Variants in SAMD4A observed in about 807,000 individuals in gnomAD.
The protein encoded by SAMD4A is sterile alpha motif domain containing 4A, also known as protein Smaug homolog 1.
Under a neutral mutation model 81.3 loss-of-function variants are expected in SAMD4A, and 33 were observed. That is an observed-to-expected ratio of 0.41 (90% CI 0.31 to 0.54). The LOEUF (loss-of-function observed/expected upper bound fraction) is 0.54. Among genes scored for constraint, SAMD4A ranks in the 20% least tolerant of loss-of-function variants. The pLI is 0.37. For missense variants in SAMD4A, 854 were observed against 951.1 expected (o/e 0.90, Z 1.34); for synonymous variants, 389 against 382.1 (o/e 1.02, Z -0.21).
chr14:54,711,411 G>T (rs965769888), intron 3 of SAMD4A, among the ~76,000 whole-genome samples: 3 of 152,202 alleles, frequency 2.0e-5, no homozygotes, highest in African/African-American at 7.2e-5. Context: ...ACTAGTGATC[G>T]TAAAAACAGC....
intron 2 of SAMD4A, among the ~76,000 whole-genome samples, chr14:54,605,111 A>T (rs1166321486): frequency 1.3e-5 from 2 of 152,174 alleles, no homozygotes; most frequent in Non-Finnish European, 2.9e-5. Context: ...CTGCTTTAAA[A>T]TAATAGTGTT....
At chr14:54,574,980 A>G (rs534019420) in intron 2 of SAMD4A, among the ~76,000 whole-genome samples, 3 of 152,188 alleles carry the variant, frequency 2.0e-5, no homozygotes, top group Middle Eastern at 3.2e-3. Flanking sequence ...ACTGTTAGAA[A>G]TGAAAGGTGC....
intron 3 of SAMD4A, among the ~76,000 whole-genome samples, chr14:54,729,215 T>C (rs544101534): frequency 6.6e-6 from 1 of 152,146 alleles, no homozygotes; most frequent in Non-Finnish European, 1.5e-5. Flanking sequence ...ATGGTCTTGC[T>C]GGTTCCCACA....
intron 2 of SAMD4A, among the ~76,000 whole-genome samples, chr14:54,589,082 A>G (rs1255073732): frequency 6.6e-6 from 1 of 152,216 alleles, no homozygotes; most frequent in Non-Finnish European, 1.5e-5. Flanking sequence ...ACAGTATATC[A>G]AAGAGCTCAA....
rs1056608519 is a variant in SAMD4A at position 54,748,860 on chromosome 14, C to T, written c.1025C>T (p.Ala342Val). Residue 342 changes from alanine (A) to valine (V), a missense_variant, in exon 5 of 13, where the codon GCG (alanine) becomes GTG (valine). Around this residue, in one of 3 missense-constraint regions of SAMD4A, gnomAD observed 39 missense variants for 74.1 expected, o/e 0.53. Transcript: ENST00000554335. ...LKSLRLHKYA[A>V]LFSQMTYEEM... ...AGCCTCCGCCTGCACAAATATGCCGCGCTTTTCTCCCAGATGACCTATGAG... is the reference window on the plus strand; with the variant it reads ...AGCCTCCGCCTGCACAAATATGCCGTGCTTTTCTCCCAGATGACCTATGAG... 1.2e-5 allele frequency: 18 copies of T among 1,555,450 alleles called. No homozygotes were observed. The highest frequency in any genetic ancestry group is 2.4e-5 in the East Asian group (1 of 41,614).
At chr14:54,574,216 A>G (rs2033218260) in intron 2 of SAMD4A, among the ~76,000 whole-genome samples, 1 of 152,194 alleles carries the variant, frequency 6.6e-6, no homozygotes, top group Non-Finnish European at 1.5e-5. Context: ...AAACAAACAT[A>G]AGAAAATATG....
chr14:54,776,261 ATAAAT>A, intron 10 of SAMD4A, 148 bp from the exon 11 acceptor site: 3 of 732,316 alleles, frequency 4.1e-6, no homozygotes, highest in Non-Finnish European at 6.4e-6. Flanking sequence ...CCCTCTCTCT[ATAAAT>A]AAGCAGATGC....
chr14:54,778,569 A>AAAT (rs1478729608), intron 11 of SAMD4A, among the ~76,000 whole-genome samples: 5 of 152,202 alleles, frequency 3.3e-5, no homozygotes, highest in Admixed American at 6.5e-5. Flanking sequence ...GCAAGTCTCT[A>AAAT]AATAATATGC....
rs181153303 is a variant in SAMD4A, at chr14:54,658,994, C to A, written c.197-43068C>A. On this transcript the variant is annotated intron_variant, in intron 2 of 12. Coordinates refer to ENST00000554335, the MANE Select transcript of SAMD4A (RefSeq NM_015589.6). ...GCCTCTCTGAGATTCAGTTTGCACA[C>A]CTGTAAATCAAGAATGCCTGGCTCA... 5.4e-3 allele frequency among the ~76,000 whole-genome samples: 827 copies of A among 152,310 alleles called. 5 individuals are homozygous for A. The highest frequency in any genetic ancestry group is 5.6e-3 in the Non-Finnish European group (383 of 68,034).
chr14:54,724,264 T>C (rs2037356677), intron 3 of SAMD4A, among the ~76,000 whole-genome samples: 1 of 152,088 alleles, frequency 6.6e-6, no homozygotes, highest in African/African-American at 2.4e-5. Context: ...CAACACGGTG[T>C]CAGGCTAAGA....
intron 2 of SAMD4A, among the ~76,000 whole-genome samples, chr14:54,617,522 C>A (rs2034519182): frequency 6.6e-6 from 1 of 151,990 alleles, no homozygotes; most frequent in Non-Finnish European, 1.5e-5. Context: ...TTAAGTTGGC[C>A]AGGTCCCTAG....
intron 2 of SAMD4A, among the ~76,000 whole-genome samples, chr14:54,635,211 A>G (rs1046604301): frequency 8.6e-5 from 13 of 151,438 alleles, no homozygotes; most frequent in African/African-American, 3.2e-4. Context: ...TCACTTGAGG[A>G]CAGGAGTTCA....
At chr14:54,693,088 A>AT (rs2036492149) in intron 2 of SAMD4A, 1 of 152,188 alleles carries the variant, frequency 6.6e-6, no homozygotes, top group Admixed American at 6.5e-5. Context: ...CTAGCAAAAA[A>AT]CAATGGGGAA....
chr14:54,649,734 T>C (rs142409962), intron 2 of SAMD4A, among the ~76,000 whole-genome samples: 1 of 152,332 alleles, frequency 6.6e-6, no homozygotes, highest in African/African-American at 2.4e-5. Flanking sequence ...GGCATAAGTG[T>C]CAGAATTTAA....
intron 2 of SAMD4A, among the ~76,000 whole-genome samples, chr14:54,583,781 G>A (rs747565898): frequency 5.3e-5 from 8 of 152,200 alleles, no homozygotes; most frequent in Non-Finnish European, 1.2e-4. Context: ...GGTTAAGGAG[G>A]TTATTTGTAA....
At position 54,576,001 on chromosome 14, in the gene SAMD4A, C is replaced by CTTTTTTTTTTTTT. The variant is rs57819180; in HGVS notation, c.196+7914_196+7926dup. ...CCAGGAAAGATTTCTTTCTTTCTTT[C>CTTTTTTTTTTTTT]TTTTTTTTTTTTTTTTTTTTTTTTT... is the stretch of plus-strand genomic sequence containing the variant. On this transcript the variant is annotated intron_variant, in intron 2 of 12. Coordinates refer to ENST00000554335, the MANE Select transcript of SAMD4A (RefSeq NM_015589.6). Among the ~76,000 whole-genome samples, 291 of 79,988 alleles carry CTTTTTTTTTTTTT rather than the reference C, an allele frequency of 3.6e-3. 37 individuals are homozygous for CTTTTTTTTTTTTT. Among genetic ancestry groups the CTTTTTTTTTTTTT allele is most frequent in the East Asian group, 0.013 (26 of 1,988 alleles). 52.5% of individuals were successfully genotyped at this position (79,988 alleles called of 152,430 possible).
At chr14:54,746,893 G>C (rs575429716) in intron 4 of SAMD4A, among the ~76,000 whole-genome samples, 1 of 152,224 alleles carries the variant, frequency 6.6e-6, no homozygotes, top group South Asian at 2.1e-4. Context: ...GTAACATGCC[G>C]TTGGCCTGAA....
intron 3 of SAMD4A, among the ~76,000 whole-genome samples, chr14:54,719,742 C>T (rs2037214625): frequency 6.6e-6 from 1 of 152,136 alleles, no homozygotes; most frequent in African/African-American, 2.4e-5. Context: ...ATAGCTTAAC[C>T]TCTCTTGGCC....
chr14:54,734,527 C>T (rs187074424), intron 3 of SAMD4A, among the ~76,000 whole-genome samples: 4 of 152,302 alleles, frequency 2.6e-5, no homozygotes, highest in Admixed American at 6.5e-5. Flanking sequence ...TCCCTTATGA[C>T]TTCAGTTAAG....
Sources: gnomAD v4.1 joint callset for allele counts (sites outside exome capture counted in the v4.1 genomes callset) on GRCh38, gnomAD v4.1.1 for gene constraint, gnomAD v4.1.1 regional missense constraint, MANE v1.5 for transcripts, NCBI Gene and HGNC (gene_info 2026-07-23, HGNC 2026-07-21) for gene names.